OSBPL11: variants seen among roughly 807,000 people sequenced by gnomAD.
The protein encoded by OSBPL11 is oxysterol binding protein like 11.
Under a neutral mutation model 84.4 loss-of-function variants are expected in OSBPL11, and 33 were observed. The ratio of observed to expected loss-of-function variants is 0.39; its 90% CI spans 0.30 to 0.52. OSBPL11 has a LOEUF of 0.52. Ranked by LOEUF, OSBPL11 falls within the 20% of genes least tolerant of loss-of-function variation. The pLI is 0.72. For synonymous variants in OSBPL11, 276 were observed against 310.2 expected, an observed-to-expected ratio of 0.89 and a Z score of 1.16; for missense variants, 736 against 901.1, an observed-to-expected ratio of 0.82 and a Z score of 2.35.
At chr3:125,536,370 T>C (rs1384085440) in intron 11 of OSBPL11, among the ~76,000 whole-genome samples, 2 of 152,194 alleles carry the variant, frequency 1.3e-5, no homozygotes, top group Non-Finnish European at 1.5e-5. Context: ...TATCCATGCA[T>C]GATTCTGTAA....
At chr3:125,546,851 C>A (rs1326011670) in intron 10 of OSBPL11, among the ~76,000 whole-genome samples, 1 of 151,780 alleles carries the variant, frequency 6.6e-6, no homozygotes, top group Admixed American at 6.6e-5. Context: ...TGTGCCACTG[C>A]ACTCCAGCCT....
chr3:125,567,319 T>TAGAA (rs1292944226), intron 6 of OSBPL11, 75 bp downstream of exon 6: 2 of 1,293,928 alleles, frequency 1.5e-6, no homozygotes, highest in African/African-American at 3.0e-5. Flanking sequence ...TTTCTGAAAT[T>TAGAA]AGAATTACAA....
chr3:125,581,388 G>A (rs1157273046), intron 2 of OSBPL11, among the ~76,000 whole-genome samples: 1 of 150,888 alleles, frequency 6.6e-6, no homozygotes, highest in Non-Finnish European at 1.5e-5. Flanking sequence ...CACCTCATCT[G>A]GCCCCTTTTT....
At chr3:125,578,870 T>G in intron 4 of OSBPL11, 90 bp downstream of exon 4, 1 of 717,338 alleles carries the variant, frequency 1.4e-6, no homozygotes, top group Non-Finnish European at 2.2e-6. Flanking sequence ...TTTTACGGTA[T>G]ATGAATAGTA....
rs56164804 is a variant in OSBPL11, at chr3:125,534,951, G to GA, written c.2025-2938dup. Among the ~76,000 whole-genome samples the GA allele has an allele frequency of 5.7e-3, 371 of 64,632 alleles. 15 individuals carry two copies. The highest frequency in any genetic ancestry group is 0.014 in the African/African-American group (188 of 13,292). The allele number at this position is 64,632 out of a possible 152,430, so 42.4% of individuals were successfully genotyped here. A position where few individuals can be genotyped will look rare whatever the true frequency, so the allele number is the denominator to read the frequency against. On this transcript the variant is annotated intron_variant, in intron 11 of 12. Transcript: ENST00000296220. ...CCTAAGCTTCCATTGTAAGAAATTA[G>GA]AAAAAAAAAAAAAAAAAAAAAAAAA...
intron 1 of OSBPL11, among the ~76,000 whole-genome samples, chr3:125,583,598 A>AG (rs1936461128): frequency 6.6e-6 from 1 of 150,778 alleles, no homozygotes; most frequent in African/African-American, 2.4e-5. Flanking sequence ...AAAAAAAAAA[A>AG]AAAAAAAAAG....
chr3:125,544,765 T>C (rs1248114320), intron 10 of OSBPL11, among the ~76,000 whole-genome samples: 2 of 152,150 alleles, frequency 1.3e-5, no homozygotes, highest in Admixed American at 6.6e-5. Flanking sequence ...GAGAATGCAA[T>C]TAAAATTTTA....
chr3:125,585,600 G>T (rs1162933518), intron 1 of OSBPL11, among the ~76,000 whole-genome samples: 1 of 151,110 alleles, frequency 6.6e-6, no homozygotes, highest in Non-Finnish European at 1.5e-5. Context: ...CATAAAGTTA[G>T]TTTCAAAAGA....
At chr3:125,581,571 C>T (rs1936425577) in intron 2 of OSBPL11, among the ~76,000 whole-genome samples, 1 of 151,418 alleles carries the variant, frequency 6.6e-6, no homozygotes, top group African/African-American at 2.4e-5. Flanking sequence ...TGGCGTGCAC[C>T]TGTAATCCCA....
chr3:125,594,898 T>G lies in OSBPL11; in HGVS notation c.-98A>C. ...TTTTTAAGATTTGATCTGAATATGA[T>G]ACCGGTTGCTAAATCACACGGCGGC... On this transcript the variant is annotated 5_prime_UTR_variant, in exon 1 of 13. Coordinates refer to ENST00000296220, the MANE Select transcript of OSBPL11 (RefSeq NM_022776.5). The G allele has an allele frequency of 1.5e-6, 2 of 1,344,772 alleles. No individual in the cohort carries two copies. Among genetic ancestry groups the G allele is most frequent in the Non-Finnish European group, 1.0e-6 (1 of 987,490 alleles). The allele number at this position is 1,344,772 out of a possible 1,614,324, so 83.3% of individuals were successfully genotyped here.
chr3:125,547,355 C>A, intron 10 of OSBPL11, 51 bp downstream of exon 10: 1 of 1,501,814 alleles, frequency 6.7e-7, no homozygotes, highest in Non-Finnish European at 9.1e-7. Context: ...AGTTGTAATA[C>A]AAAATCAAAG....
chr3:125,537,222 G>A (rs142402285), intron 11 of OSBPL11, among the ~76,000 whole-genome samples: 1 of 150,308 alleles, frequency 6.7e-6, no homozygotes, highest in Non-Finnish European at 1.5e-5. Context: ...CTAATAATTT[G>A]TATTGCTTTT....
At chr3:125,590,466 C>G (rs1018199294) in intron 1 of OSBPL11, among the ~76,000 whole-genome samples, 2 of 152,028 alleles carry the variant, frequency 1.3e-5, no homozygotes, top group African/African-American at 2.4e-5. Flanking sequence ...AGGAGAATCG[C>G]TTGGACTTGA....
chr3:125,548,195 TA>T (rs1935848701), intron 9 of OSBPL11, among the ~76,000 whole-genome samples: 1 of 152,062 alleles, frequency 6.6e-6, no homozygotes, highest in Non-Finnish European at 1.5e-5. Flanking sequence ...AATAATTTTT[TA>T]AAAAAGGCCT....
At chr3:125,570,466 A>G (rs1239812046) in intron 5 of OSBPL11, among the ~76,000 whole-genome samples, 1 of 152,054 alleles carries the variant, frequency 6.6e-6, no homozygotes, top group Admixed American at 6.6e-5. Context: ...GCAGTGAGCT[A>G]TGCACTCCAG....
At chr3:125,549,053 C>G (rs1228135315) in intron 9 of OSBPL11, among the ~76,000 whole-genome samples, 1 of 151,518 alleles carries the variant, frequency 6.6e-6, no homozygotes, top group Non-Finnish European at 1.5e-5. Flanking sequence ...TGGAGTTTCA[C>G]TCTTGATGCC....
intron 10 of OSBPL11, among the ~76,000 whole-genome samples, chr3:125,544,839 T>A (rs1001393458): frequency 6.6e-6 from 1 of 152,200 alleles, no homozygotes; most frequent in East Asian, 1.9e-4. Context: ...ACATCTTGTA[T>A]CAATAAATGA....
At chr3:125,553,082 T>C (rs182803978) in intron 8 of OSBPL11, among the ~76,000 whole-genome samples, 1 of 152,272 alleles carries the variant, frequency 6.6e-6, no homozygotes, top group Admixed American at 6.5e-5. Flanking sequence ...ACTGCACTTG[T>C]ACCTGAGCAA....
chr3:125,548,505 A>G (rs1012488047), intron 9 of OSBPL11, among the ~76,000 whole-genome samples: 3 of 152,070 alleles, frequency 2.0e-5, no homozygotes, highest in Non-Finnish European at 2.9e-5. Context: ...CTAATGGAGA[A>G]AGGAGCTTGT....
Sources: allele counts gnomAD v4.1 joint callset (sites outside exome capture counted in the v4.1 genomes callset), GRCh38; gene constraint gnomAD v4.1.1; transcripts MANE v1.5; gene names NCBI Gene and HGNC (gene_info 2026-07-23, HGNC 2026-07-21).